Variants in HDAC9 observed in about 807,000 individuals in gnomAD.
The protein encoded by HDAC9 is MEF-2 interacting transcription repressor (MITR) protein.
Under a neutral mutation model 139.4 loss-of-function variants are expected in HDAC9, and 41 were observed. That is an observed-to-expected ratio of 0.29 (90% CI 0.23 to 0.38). The LOEUF is 0.38. Ranked by LOEUF, HDAC9 falls within the 10% of genes least tolerant of loss-of-function variation. The probability of loss-of-function intolerance (pLI) is 1.00; values close to 1 mark genes in which losing one functional copy is unlikely to be tolerated. For missense variants in HDAC9, 1,147 were observed against 1,297.0 expected (o/e 0.88, Z 1.78); for synonymous variants, 517 against 476.2 (o/e 1.09, Z -1.12).
chr7:18,199,951 A>AG (rs1285033297), intron 2 of HDAC9, among the ~76,000 whole-genome samples: 5 of 151,768 alleles, frequency 3.3e-5, no homozygotes, highest in African/African-American at 4.8e-5. Flanking sequence ...ACAGAGAGAG[A>AG]AAAAAAATAA....
intron 3 of HDAC9, 68 bp from the exon 4 acceptor site, chr7:18,590,268 G>A: frequency 6.6e-7 from 1 of 1,507,638 alleles, no homozygotes; most frequent in East Asian, 2.3e-5. Flanking sequence ...TAACATTTCA[G>A]TTTTGGTCAG....
intron 2 of HDAC9, among the ~76,000 whole-genome samples, chr7:18,238,148 A>G (rs539841525): frequency 6.6e-6 from 1 of 152,336 alleles, no homozygotes; most frequent in South Asian, 2.1e-4. Flanking sequence ...CTCAAGAGCT[A>G]GTTTACTTCC....
At chr7:18,864,390 T>A (rs1798334908) in intron 21 of HDAC9, among the ~76,000 whole-genome samples, 1 of 152,028 alleles carries the variant, frequency 6.6e-6, no homozygotes, top group African/African-American at 2.4e-5. Context: ...AATGGGGAGT[T>A]GCTCAAAGGA....
intron 12 of HDAC9, among the ~76,000 whole-genome samples, chr7:18,702,553 C>T (rs1783575811): frequency 6.6e-6 from 1 of 152,140 alleles, no homozygotes; most frequent in Non-Finnish European, 1.5e-5. Flanking sequence ...ATCAAAAACA[C>T]TTTGGGACAA....
At chr7:18,842,325 C>T (rs1796635906) in intron 21 of HDAC9, among the ~76,000 whole-genome samples, 1 of 152,032 alleles carries the variant, frequency 6.6e-6, no homozygotes, top group African/African-American at 2.4e-5. Flanking sequence ...ACCATCTTTC[C>T]CAGACCATTT....
chr7:18,955,678 C>T (rs1783099218), intron 24 of HDAC9, among the ~76,000 whole-genome samples: 1 of 152,054 alleles, frequency 6.6e-6, no homozygotes. Context: ...GAGAGACAAC[C>T]AAGTAAATAA....
intron 13 of HDAC9, 131 bp downstream of exon 13, chr7:18,727,888 T>A (rs765301188): frequency 1.8e-5 from 11 of 621,798 alleles, no homozygotes; most frequent in Non-Finnish European, 2.5e-5. Context: ...ACCCAAATTT[T>A]ACGAGGTTAT....
At chr7:18,466,715 A>G (rs1243330732) in intron 1 of HDAC9, among the ~76,000 whole-genome samples, 3 of 152,192 alleles carry the variant, frequency 2.0e-5, no homozygotes, top group South Asian at 2.1e-4. Flanking sequence ...TCCATCTGCA[A>G]TCTTAATTCC....
At chr7:18,102,246 T>C (rs1264681923) in intron 1 of HDAC9, among the ~76,000 whole-genome samples, 2 of 152,162 alleles carry the variant, frequency 1.3e-5, no homozygotes, top group African/African-American at 4.8e-5. Flanking sequence ...AAAGAATCCT[T>C]GAGGTGGTAT....
intron 17 of HDAC9, among the ~76,000 whole-genome samples, chr7:18,796,040 C>T (rs1585051640): frequency 2.0e-5 from 3 of 152,176 alleles, no homozygotes; most frequent in Admixed American, 1.3e-4. Context: ...CATATTCTAT[C>T]CCATTCTCCC....
intron 16 of HDAC9, among the ~76,000 whole-genome samples, chr7:18,790,013 G>A (rs1249954674): frequency 2.0e-5 from 3 of 152,266 alleles, no homozygotes; most frequent in Admixed American, 6.5e-5. Context: ...ATATTGGAAA[G>A]TGGATATGGA....
chr7:18,835,883 T>G lies in HDAC9; in HGVS notation c.2587-17T>G. On this transcript the variant is annotated splice_polypyrimidine_tract_variant and intron_variant, in intron 20 of 25. Transcript: ENST00000686413. ...GCTCTCTTCTCTGCCCACCGTGGTG[T>G]GTCTTTCTCTTCCCAGGTTGGAACA... 2 of 1,502,526 alleles carry G rather than the reference T, an allele frequency of 1.3e-6. No homozygotes were observed. The highest frequency in any genetic ancestry group is 1.8e-6 in the Non-Finnish European group (2 of 1,104,238). 93.1% of individuals were successfully genotyped at this position (1,502,526 alleles called of 1,614,324 possible). A position where few individuals can be genotyped will look rare whatever the true frequency, so the allele number is the denominator to read the frequency against.
At position 18,921,181 on chromosome 7, in the gene HDAC9, T is replaced by C. The variant is rs1002063221; in HGVS notation, c.2804-14628T>C. On this transcript the variant is annotated intron_variant, in intron 22 of 25. Transcript: ENST00000686413. ...TCAGGACATAGGCATGGGCAAGGAC[T>C]TCATGTCTAAAACACCAAAGCAATG... is the stretch of plus-strand genomic sequence containing the variant. Among the ~76,000 whole-genome samples, 11 of 152,260 alleles carry C rather than the reference T, an allele frequency of 7.2e-5. 1 individual carries two copies. The East Asian group carries it at 9.7e-4, about 13-fold the overall frequency.
chr7:18,209,596 G>A (rs1202096966), intron 2 of HDAC9, among the ~76,000 whole-genome samples: 1 of 152,078 alleles, frequency 6.6e-6, no homozygotes, highest in African/African-American at 2.4e-5. Context: ...GTTGTTGATG[G>A]TTCAACAATT....
chr7:18,276,248 G>A (rs1184885117), intron 2 of HDAC9, among the ~76,000 whole-genome samples: 1 of 152,144 alleles, frequency 6.6e-6, no homozygotes, highest in Non-Finnish European at 1.5e-5. Flanking sequence ...GGTAGGCCAG[G>A]TGTGCACATT....
In HDAC9 at chr7:18,792,466, CAT is replaced by C. The variant is rs568202079; in HGVS notation, c.2215-876_2215-875del. 3.2e-4 allele frequency among the ~76,000 whole-genome samples: 48 copies of C among 151,920 alleles called. No individual in the cohort carries two copies. The South Asian group carries it at 9.8e-3, about 31-fold the overall frequency. On this transcript the variant is annotated intron_variant, in intron 16 of 25. Transcript: ENST00000686413. ...AGTATTTTATATATTAAAAATATAA[CAT>C]ATGATAATTATAAACCACCATTGTT...
chr7:18,262,622 T>G (rs1313855727), intron 2 of HDAC9, among the ~76,000 whole-genome samples: 1 of 152,220 alleles, frequency 6.6e-6, no homozygotes, highest in Non-Finnish European at 1.5e-5. Context: ...CATTTTTTCT[T>G]CTGTCTGATT....
chr7:18,783,430 C>G lies in HDAC9; in HGVS notation c.2215-9915C>G, dbSNP rs942652247. Among the ~76,000 whole-genome samples, 5 of 152,158 alleles carry G rather than the reference C, an allele frequency of 3.3e-5. No individual in the cohort carries two copies. The East Asian group carries it at 9.7e-4, about 29-fold the overall frequency. On this transcript the variant is annotated intron_variant, in intron 16 of 25. Transcript: ENST00000686413. ...TATATGAGGCAATAAATACAAATTA[C>G]TAAAAGTGAGATACAAAAGACATAG...
intron 17 of HDAC9, among the ~76,000 whole-genome samples, chr7:18,814,241 G>C (rs185679834): frequency 1.2e-4 from 18 of 152,134 alleles, no homozygotes; most frequent in Admixed American, 8.5e-4. Flanking sequence ...GGAAATAATG[G>C]TTCCTGAAAT....
Sources: allele counts gnomAD v4.1 joint callset (sites outside exome capture counted in the v4.1 genomes callset), GRCh38; gene constraint gnomAD v4.1.1; transcripts MANE v1.5; gene names NCBI Gene and HGNC (gene_info 2026-07-23, HGNC 2026-07-21).